The following METTL8 variants were observed in gnomAD, a reference collection of about 807,000 sequenced individuals.
The protein encoded by METTL8 is tRNA N(3)-cytidine methyltransferase METTL8, mitochondrial.
A neutral mutation model predicts 48.7 loss-of-function variants in METTL8; 32 were observed. The ratio of observed to expected loss-of-function variants is 0.66; its 90% CI spans 0.50 to 0.88. METTL8 has a LOEUF of 0.88. Among genes scored for constraint, METTL8 ranks in the 40% least tolerant of loss-of-function variants. The pLI, the probability that METTL8 is intolerant of heterozygous loss-of-function variation, is 0.00. For synonymous variants in METTL8, 136 were observed against 157.1 expected (o/e 0.87, Z 1.01); for missense variants, 464 against 474.4 (o/e 0.98, Z 0.20).
Position 171,343,439 on chromosome 2 carries a change from C to CAATAAATAAATAAATA in METTL8, c.236-3901_236-3886dup, listed in dbSNP as rs574312068. 5.8e-3 allele frequency among the ~76,000 whole-genome samples: 863 copies of CAATAAATAAATAAATA among 148,848 alleles called. 5 individuals carry two copies. The highest frequency in any genetic ancestry group is 0.019 in the African/African-American group (766 of 40,526). The stretch of plus-strand genomic sequence containing the variant: ...GGGCAACAGGAGTGAAACTCCATCT[C>CAATAAATAAATAAATA]AATAAATAAATAAATAAATAAATAT... On this transcript the variant is annotated intron_variant, in intron 3 of 9. Coordinates refer to ENST00000375258, the MANE Select transcript of METTL8 (RefSeq NM_001321154.2).
At chr2:171,357,718 A>C (rs562030777) in intron 3 of METTL8, among the ~76,000 whole-genome samples, 3 of 151,494 alleles carry the variant, frequency 2.0e-5, no homozygotes, top group African/African-American at 7.3e-5. Flanking sequence ...TTTTTGAGAC[A>C]GGTTCTCGCT....
In METTL8 at chr2:171,321,273, AAG is replaced by A. The variant is rs1684510541; in HGVS notation, c.*2897_*2898del. On this transcript the variant is annotated 3_prime_UTR_variant, in exon 10 of 10. Coordinates refer to ENST00000375258, the MANE Select transcript of METTL8 (RefSeq NM_001321154.2). ...TTGAAGAACTTTCTTCCATTCCAGG[AAG>A]TGAAATTTCCTTCCACTCCAGGTTG... The A allele has an allele frequency of 6.6e-6, 1 of 152,178 alleles. No individual in the cohort carries two copies. The highest frequency in any genetic ancestry group is 2.4e-5 in the African/African-American group (1 of 41,438). The allele number at this position is 152,178 out of a possible 1,614,324, so 9.4% of individuals were successfully genotyped here. A position where few individuals can be genotyped will look rare whatever the true frequency, so the allele number is the denominator to read the frequency against.
intron 3 of METTL8, among the ~76,000 whole-genome samples, chr2:171,342,197 G>C (rs1686847054): frequency 1.3e-5 from 2 of 152,024 alleles, no homozygotes; most frequent in Non-Finnish European, 2.9e-5. Context: ...CTTGTACCGT[G>C]GATCTCCACC....
intron 2 of METTL8, among the ~76,000 whole-genome samples, chr2:171,363,812 A>ATATATATATATATATG (rs1353749107): frequency 7.2e-6 from 1 of 138,324 alleles, no homozygotes; most frequent in Non-Finnish European, 1.6e-5. Flanking sequence ...ATATATATAT[A>ATATATATATATATATG]TATCTTTTTT....
chr2:171,357,300 C>T (rs577527289), intron 3 of METTL8, among the ~76,000 whole-genome samples: 1 of 151,892 alleles, frequency 6.6e-6, no homozygotes, highest in African/African-American at 2.4e-5. Flanking sequence ...AAGACTCCAC[C>T]AAAAAACTGT....
At chr2:171,356,956 T>G (rs992158138) in intron 3 of METTL8, among the ~76,000 whole-genome samples, 3 of 121,754 alleles carry the variant, frequency 2.5e-5, no homozygotes, top group Non-Finnish European at 5.3e-5. Context: ...GACAATATTT[T>G]TTTTTTTTTT....
chr2:171,355,242 C>A lies in METTL8; in HGVS notation c.235+5180G>T, dbSNP rs186636119. ...AATTTGCTGGAGGTCCACTCCGGAC[C>A]CTGTTAACCTAGGTATCACCAGTGG... is the stretch of plus-strand genomic sequence containing the variant. On this transcript the variant is annotated intron_variant, in intron 3 of 9. Transcript: ENST00000375258. 2.0e-3 allele frequency among the ~76,000 whole-genome samples: 303 copies of A among 152,322 alleles called. 4 individuals are homozygous for A. The highest frequency in any genetic ancestry group is 7.0e-3 in the African/African-American group (291 of 41,554).
chr2:171,324,115 A>C lies in METTL8; in HGVS notation c.*57T>G. The C allele has an allele frequency of 4.1e-6, 5 of 1,210,904 alleles. No individual in the cohort carries two copies. Among genetic ancestry groups the C allele is most frequent in the Non-Finnish European group, 5.7e-6 (5 of 873,210 alleles). The allele number at this position is 1,210,904 out of a possible 1,614,324, so 75.0% of individuals were successfully genotyped here. A position where few individuals can be genotyped will look rare whatever the true frequency, so the allele number is the denominator to read the frequency against. ...TTGTCTTTTGAGAAACAATAGACTT[A>C]CAGTAGTCCTTGAATAGCACAGTCC... On this transcript the variant is annotated 3_prime_UTR_variant, in exon 10 of 10. Coordinates refer to ENST00000375258, the MANE Select transcript of METTL8 (RefSeq NM_001321154.2).
intron 4 of METTL8, 57 bp downstream of exon 4, chr2:171,339,127 G>A: frequency 7.3e-7 from 1 of 1,372,490 alleles, no homozygotes; most frequent in Non-Finnish European, 9.6e-7. Flanking sequence ...AAATAATACA[G>A]AATGTACATT....
intron 2 of METTL8, among the ~76,000 whole-genome samples, chr2:171,381,669 T>C (rs560183820): frequency 1.3e-5 from 2 of 152,196 alleles, no homozygotes; most frequent in Admixed American, 1.3e-4. Context: ...CACTGATCTT[T>C]AGTGAAATGC....
intron 2 of METTL8, among the ~76,000 whole-genome samples, chr2:171,383,560 G>A (rs533303940): frequency 1.2e-4 from 18 of 152,280 alleles, no homozygotes; most frequent in African/African-American, 4.3e-4. Context: ...GATGGAAAGT[G>A]TGTTTCTTAC....
chr2:171,339,460 T>G lies in METTL8; in HGVS notation c.330A>C (p.Glu110Asp). The change falls in exon 4 of 10, where the codon GAA becomes GAC. Residue 110 changes from glutamate (E) to aspartate (D), a missense_variant. Coordinates refer to ENST00000375258, the MANE Select transcript of METTL8 (RefSeq NM_001321154.2). ...FFKDRNWLLR[E>D]FPEILPVDQK... ...GATCAACTGGAAGAATTTCAGGAAA[T>G]TCCCTCAACAGCCAATTACGATCCT... 6.2e-7 allele frequency: 1 copy of G among 1,613,680 alleles called. No individual in the cohort carries two copies. The highest frequency in any genetic ancestry group is 8.5e-7 in the Non-Finnish European group (1 of 1,179,738).
In METTL8 at chr2:171,325,078, T is replaced by C. The variant is rs188005835; in HGVS notation, c.1034-716A>G. 6.5e-5 allele frequency among the ~76,000 whole-genome samples: 9 copies of C among 138,204 alleles called. No homozygotes were observed. In the East Asian group the frequency reaches 1.0e-3, roughly 16 times the overall value. The allele number at this position is 138,204 out of a possible 152,430, so 90.7% of individuals were successfully genotyped here. On this transcript the variant is annotated intron_variant, in intron 9 of 9. Coordinates refer to ENST00000375258, the MANE Select transcript of METTL8 (RefSeq NM_001321154.2). The stretch of plus-strand genomic sequence containing the variant: ...TGGAGATGGCAGTGAGCTGAGATTG[T>C]GCCACTGCACTCCAGCCTAGGCAAC...
chr2:171,322,743 CAAAAAAA>C lies in METTL8; in HGVS notation c.*1422_*1428del, dbSNP rs34093427. On this transcript the variant is annotated 3_prime_UTR_variant, in exon 10 of 10. Transcript: ENST00000375258. ...TGGGTGCCAGAGCAAGACTCCATCT[CAAAAAAA>C]AAAAAAAAAAAAAAGTAAAACATAA... The C allele has an allele frequency of 2.8e-5, 3 of 108,332 alleles. No homozygotes were observed. The highest frequency in any genetic ancestry group is 3.7e-5 in the Non-Finnish European group (2 of 53,700). The allele number at this position is 108,332 out of a possible 1,614,324, so 6.7% of individuals were successfully genotyped here.
rs576484889 is a variant in METTL8 at position 171,406,540 on chromosome 2, G to A, written c.-12-14343C>T. 7.9e-5 allele frequency among the ~76,000 whole-genome samples: 12 copies of A among 152,268 alleles called. No homozygotes were observed. In the South Asian group the frequency reaches 8.3e-4, roughly 11 times the overall value. On this transcript the variant is annotated intron_variant, in intron 1 of 9. Coordinates refer to ENST00000375258, the MANE Select transcript of METTL8 (RefSeq NM_001321154.2). ...GTCCTCCAATGGCCTCTGTGCATTC[G>A]CAGAGGGAGAGATATCTTCTCCTCT...
chr2:171,336,160 A>G (rs997057250), intron 5 of METTL8, among the ~76,000 whole-genome samples: 1 of 151,584 alleles, frequency 6.6e-6, no homozygotes, highest in East Asian at 1.9e-4. Flanking sequence ...GCAGTGGCGC[A>G]TCTCAGCTCA....
intron 2 of METTL8, among the ~76,000 whole-genome samples, chr2:171,380,839 A>C (rs1166526821): frequency 6.6e-6 from 1 of 152,242 alleles, no homozygotes; most frequent in African/African-American, 2.4e-5. Flanking sequence ...TAATTTATAG[A>C]TTCAATGTTA....
chr2:171,409,741 G>T (rs1690558370), intron 1 of METTL8, among the ~76,000 whole-genome samples: 1 of 152,200 alleles, frequency 6.6e-6, no homozygotes, highest in Non-Finnish European at 1.5e-5. Context: ...GGAATGGAAG[G>T]AAGTCCTCTG....
At position 171,433,532 on chromosome 2, in the gene METTL8, T is replaced by C. The variant is rs113044466; in HGVS notation, c.-13+351A>G. ...CAAGCTTGCTGAAAGTTTAGTGTGCTGGGAACTTTGAACATACAGGCAGGG... is the reference window on the plus strand; with the variant it reads ...CAAGCTTGCTGAAAGTTTAGTGTGCCGGGAACTTTGAACATACAGGCAGGG... On this transcript the variant is annotated intron_variant, in intron 1 of 9. Coordinates refer to ENST00000375258, the MANE Select transcript of METTL8 (RefSeq NM_001321154.2). Among the ~76,000 whole-genome samples the C allele has an allele frequency of 3.6e-3, 547 of 152,324 alleles. 1 individual carries two copies. Among genetic ancestry groups the C allele is most frequent in the Non-Finnish European group, 6.4e-3 (437 of 68,016 alleles).
Sources: allele counts gnomAD v4.1 joint callset (sites outside exome capture counted in the v4.1 genomes callset), GRCh38; gene constraint gnomAD v4.1.1; transcripts MANE v1.5; gene names NCBI Gene and HGNC (gene_info 2026-07-23, HGNC 2026-07-21).